The following GRIN2B variants were observed in gnomAD, a reference collection of about 807,000 sequenced individuals.
The protein encoded by GRIN2B is glutamate ionotropic receptor NMDA type subunit 2B, also known as glutamate receptor ionotropic, NMDA 2B.
In GRIN2B, 5 loss-of-function variants were observed where a neutral mutation model predicts 114.5. That is an observed-to-expected ratio of 0.04 (90% CI 0.02 to 0.09). The LOEUF is 0.09. Among genes scored for constraint, GRIN2B ranks in the 10% least tolerant of loss-of-function variants. GRIN2B has a pLI of 1.00. For synonymous variants in GRIN2B, 787 were observed against 745.1 expected, an observed-to-expected ratio of 1.06 and a Z score of -0.92; for missense variants, 1,108 against 1,943.5, an observed-to-expected ratio of 0.57 and a Z score of 8.08.
intron 2 of GRIN2B, among the ~76,000 whole-genome samples, chr12:13,944,917 A>G (rs1867336001): frequency 6.6e-6 from 1 of 152,066 alleles, no homozygotes; most frequent in Non-Finnish European, 1.5e-5. Flanking sequence ...TCAGTTATCT[A>G]TTTTCTTACA....
At chr12:13,580,147 C>T (rs191182765) in intron 10 of GRIN2B, among the ~76,000 whole-genome samples, 1 of 152,336 alleles carries the variant, frequency 6.6e-6, no homozygotes, top group East Asian at 1.9e-4. Context: ...CAGTCAAGGC[C>T]ATCTCCTGAT....
chr12:13,823,044 T>C (rs2136695014), intron 3 of GRIN2B, among the ~76,000 whole-genome samples: 1 of 152,260 alleles, frequency 6.6e-6, no homozygotes, highest in South Asian at 2.1e-4. Context: ...TTGATTTGTA[T>C]ATCTGTTCTT....
chr12:13,837,527 C>T (rs1255068465), intron 3 of GRIN2B, among the ~76,000 whole-genome samples: 1 of 152,186 alleles, frequency 6.6e-6, no homozygotes. Flanking sequence ...TGAGGTAAGG[C>T]ATTTCCTTCT....
intron 2 of GRIN2B, among the ~76,000 whole-genome samples, chr12:13,870,537 G>A (rs924978654): frequency 2.0e-5 from 3 of 152,144 alleles, no homozygotes; most frequent in African/African-American, 4.8e-5. Flanking sequence ...TCAAAGGGAA[G>A]ATACATCTGG....
Position 13,550,211 on chromosome 12 carries a change from A to G in GRIN2B, c.*12572T>C, listed in dbSNP as rs1239941208. 6.6e-6 allele frequency: 1 copy of G among 152,212 alleles called. No individual in the cohort carries two copies. Among genetic ancestry groups the G allele is most frequent in the Non-Finnish European group, 1.5e-5 (1 of 68,026 alleles). The allele number at this position is 152,212 out of a possible 1,614,324, so 9.4% of individuals were successfully genotyped here. A position where few individuals can be genotyped will look rare whatever the true frequency, so the allele number is the denominator to read the frequency against. ...TAAATTCTTCTGTATTCACATACCA[A>G]CTACTGTGATTTACTCAGAATGTAC... On this transcript the variant is annotated 3_prime_UTR_variant, in exon 14 of 14. Coordinates refer to ENST00000609686, the MANE Select transcript of GRIN2B (RefSeq NM_000834.5).
chr12:13,879,183 T>C (rs1160837000), intron 2 of GRIN2B, among the ~76,000 whole-genome samples: 1 of 152,172 alleles, frequency 6.6e-6, no homozygotes, highest in Non-Finnish European at 1.5e-5. Context: ...GCAAACACTA[T>C]GGAGTGTATT....
intron 3 of GRIN2B, among the ~76,000 whole-genome samples, chr12:13,849,642 C>T (rs1865525910): frequency 6.6e-6 from 1 of 152,120 alleles, no homozygotes; most frequent in Admixed American, 6.5e-5. Flanking sequence ...TTCACAGGAT[C>T]ACAGATGTTA....
chr12:13,824,551 T>A (rs1483012658), intron 3 of GRIN2B, among the ~76,000 whole-genome samples: 2 of 152,124 alleles, frequency 1.3e-5, no homozygotes, highest in Non-Finnish European at 2.9e-5. Context: ...ATCAATCTTA[T>A]CTTTTCAAAA....
intron 2 of GRIN2B, among the ~76,000 whole-genome samples, chr12:13,965,216 A>G (rs929620620): frequency 4.6e-5 from 7 of 152,170 alleles, no homozygotes; most frequent in Non-Finnish European, 1.0e-4. Flanking sequence ...TTAAAAAGTC[A>G]TTTTGAGGGT....
chr12:13,655,776 A>T (rs1435841988), intron 5 of GRIN2B, among the ~76,000 whole-genome samples: 1 of 152,210 alleles, frequency 6.6e-6, no homozygotes, highest in African/African-American at 2.4e-5. Context: ...CCTGACCTAT[A>T]AATACTGACA....
At chr12:13,834,121 C>T (rs914369878) in intron 3 of GRIN2B, among the ~76,000 whole-genome samples, 2 of 146,630 alleles carry the variant, frequency 1.4e-5, no homozygotes, top group Admixed American at 7.1e-5. Context: ...AGCTCTGCCT[C>T]CCGTGTTCAT....
At chr12:13,871,872 A>G (rs936706403) in intron 2 of GRIN2B, among the ~76,000 whole-genome samples, 2 of 152,120 alleles carry the variant, frequency 1.3e-5, no homozygotes, top group African/African-American at 2.4e-5. Flanking sequence ...GGCTGAAAAG[A>G]ATGTAGAACA....
intron 5 of GRIN2B, among the ~76,000 whole-genome samples, chr12:13,630,714 ACTAATTCAAACTTATT>A (rs1387168232): frequency 2.0e-5 from 3 of 152,288 alleles, no homozygotes; most frequent in Middle Eastern, 3.4e-3. Flanking sequence ...CCCAAAAACC[ACTAATTCAAACTTATT>A]CTAATTCAAA....
intron 10 of GRIN2B, among the ~76,000 whole-genome samples, chr12:13,575,917 G>T (rs137961059): frequency 5.3e-5 from 8 of 152,284 alleles, no homozygotes; most frequent in South Asian, 2.1e-4. Flanking sequence ...ACATGATGGA[G>T]TCTTAAAATT....
intron 2 of GRIN2B, among the ~76,000 whole-genome samples, chr12:13,960,229 T>C (rs1157337616): frequency 6.6e-6 from 1 of 152,154 alleles, no homozygotes; most frequent in Non-Finnish European, 1.5e-5. Flanking sequence ...AATATTGATA[T>C]TTATTAGACA....
intron 5 of GRIN2B, among the ~76,000 whole-genome samples, chr12:13,646,644 TTCC>T (rs745510781): frequency 2.6e-4 from 39 of 152,000 alleles, no homozygotes; most frequent in East Asian, 1.9e-3. Context: ...CTTCCTCTTC[TTCC>T]TCCTCCTCCT....
chr12:13,563,666 C>T lies in GRIN2B; in HGVS notation c.3572G>A (p.Ser1191Asn). 1.2e-6 allele frequency: 2 copies of T among 1,613,674 alleles called. No homozygotes were observed. Among genetic ancestry groups the T allele is most frequent in the Non-Finnish European group, 1.7e-6 (2 of 1,180,020 alleles). The change falls in exon 14 of 14, where the codon AGC becomes AAC. Residue 1191 changes from serine to asparagine, a missense_variant. By Grantham distance (46) the Ser-to-Asn change is conservative. Around this residue, in one of 19 missense-constraint regions of GRIN2B, gnomAD observed 478 missense variants for 506.0 expected, o/e 0.94. Coordinates refer to ENST00000609686, the MANE Select transcript of GRIN2B (RefSeq NM_000834.5). The part of the protein sequence containing the change: ...HGTGDKHGVV[S>N]GVPAPWEKNL... ...CTTCTCCCAAGGTGCAGGTACCCCGCTGACCACGCCGTGTTTGTCGCCCGT... is the reference window on the plus strand; with the variant it reads ...CTTCTCCCAAGGTGCAGGTACCCCGTTGACCACGCCGTGTTTGTCGCCCGT...
chr12:13,606,116 G>T lies in GRIN2B; in HGVS notation c.2010+2487C>A, dbSNP rs374772495. ...CCATACCTCTGACAAGTCTACACAT[G>T]GGGCATGGCCCATCAAGTTTCTGCA... On this transcript the variant is annotated intron_variant, in intron 10 of 13. Transcript: ENST00000609686. Among the ~76,000 whole-genome samples, 4 of 152,316 alleles carry T rather than the reference G, an allele frequency of 2.6e-5. No homozygotes were observed. In the South Asian group the frequency reaches 8.3e-4, roughly 32 times the overall value.
At chr12:13,742,694 G>A (rs1159865491) in intron 4 of GRIN2B, among the ~76,000 whole-genome samples, 1 of 152,192 alleles carries the variant, frequency 6.6e-6, no homozygotes, top group Non-Finnish European at 1.5e-5. Flanking sequence ...GCCTCCCAAA[G>A]TGCTGGGATT....
Sources: allele counts gnomAD v4.1 joint callset (sites outside exome capture counted in the v4.1 genomes callset), GRCh38; gene constraint gnomAD v4.1.1; regional missense constraint gnomAD v4.1.1; transcripts MANE v1.5; gene names NCBI Gene and HGNC (gene_info 2026-07-23, HGNC 2026-07-21).